The following NTM variants were observed in gnomAD, a reference collection of about 807,000 sequenced individuals.
The protein encoded by NTM is neurotrimin.
In NTM, 13 loss-of-function variants were observed where a neutral mutation model predicts 42.1. The ratio of observed to expected loss-of-function variants is 0.31; its 90% confidence interval spans 0.20 to 0.49. The LOEUF (loss-of-function observed/expected upper bound fraction) is 0.49. Ranked by LOEUF, NTM falls within the 20% of genes least tolerant of loss-of-function variation. The pLI, the probability that NTM is intolerant of heterozygous loss-of-function variation, is 0.99. For synonymous variants in NTM, 187 were observed against 179.2 expected, an observed-to-expected ratio of 1.04 and a Z score of -0.35; for missense variants, 373 against 452.8, an observed-to-expected ratio of 0.82 and a Z score of 1.60.
At chr11:132,206,622 G>A (rs2082027913) in intron 3 of NTM, among the ~76,000 whole-genome samples, 1 of 152,192 alleles carries the variant, frequency 6.6e-6, no homozygotes, top group Non-Finnish European at 1.5e-5. Context: ...ACATAGTAGA[G>A]CCGGATCTCA....
intron 1 of NTM, among the ~76,000 whole-genome samples, chr11:131,874,094 C>T (rs2137137563): frequency 9.9e-6 from 1 of 100,584 alleles, no homozygotes; most frequent in South Asian, 3.0e-4. Context: ...AGTCCCAAGC[C>T]TTGATGGTTG....
Position 131,661,678 on chromosome 11 carries a change from C to T in NTM, c.83-249886C>T, listed in dbSNP as rs535650502. Among the ~76,000 whole-genome samples the T allele has an allele frequency of 7.2e-5, 11 of 152,188 alleles. No individual in the cohort carries two copies. The South Asian group carries it at 1.0e-3, about 14-fold the overall frequency. ...CCTTTTCTTGGTCAGTCAAGAAAGGCGTTTTGAAGTTCCAGGCTAGTTTTG... is the reference window on the plus strand; with the variant it reads ...CCTTTTCTTGGTCAGTCAAGAAAGGTGTTTTGAAGTTCCAGGCTAGTTTTG... On this transcript the variant is annotated intron_variant, in intron 1 of 8. Coordinates refer to ENST00000683400, the MANE Select transcript of NTM (RefSeq NM_001352005.2).
intron 4 of NTM, among the ~76,000 whole-genome samples, chr11:132,232,896 T>C (rs1211075335): frequency 6.6e-6 from 1 of 152,240 alleles, no homozygotes; most frequent in Non-Finnish European, 1.5e-5. Flanking sequence ...TTATGACCGT[T>C]GTTATAACAA....
intron 2 of NTM, among the ~76,000 whole-genome samples, chr11:132,095,364 C>A (rs894231187): frequency 2.0e-5 from 3 of 152,030 alleles, no homozygotes; most frequent in Non-Finnish European, 4.4e-5. Context: ...CCACAGGAAC[C>A]CTTTCATCCA....
chr11:132,230,552 A>G (rs1158454760), intron 4 of NTM, among the ~76,000 whole-genome samples: 1 of 152,198 alleles, frequency 6.6e-6, no homozygotes, highest in African/African-American at 2.4e-5. Context: ...ATGAACCTCA[A>G]CGCTCCCTTT....
At chr11:132,145,911 C>G (rs10791213) in intron 2 of NTM, among the ~76,000 whole-genome samples, 1 of 152,100 alleles carries the variant, frequency 6.6e-6, no homozygotes, top group Non-Finnish European at 1.5e-5. Context: ...TGACTTAGTG[C>G]ACCCTAAACA....
Position 131,751,754 on chromosome 11 carries a change from G to A in NTM, c.83-159810G>A, listed in dbSNP as rs138365431. 2.9e-3 allele frequency among the ~76,000 whole-genome samples: 441 copies of A among 149,980 alleles called. 3 individuals are homozygous for A. The highest frequency in any genetic ancestry group is 4.7e-3 in the Non-Finnish European group (315 of 67,546). On this transcript the variant is annotated intron_variant, in intron 1 of 8. Coordinates refer to ENST00000683400, the MANE Select transcript of NTM (RefSeq NM_001352005.2). ...CAGCCTGCTGACAGAGCAAGATTCC[G>A]TCCCCCCCTCACCCCCCCCCAAAAT...
At chr11:131,521,002 C>T (rs544336560) in intron 1 of NTM, among the ~76,000 whole-genome samples, 13 of 152,082 alleles carry the variant, frequency 8.5e-5, no homozygotes, top group East Asian at 5.8e-4. Context: ...GCAGAGATCA[C>T]GGGTAAGAAG....
At chr11:132,281,350 A>ATATC (rs1359775680) in intron 4 of NTM, among the ~76,000 whole-genome samples, 1 of 152,190 alleles carries the variant, frequency 6.6e-6, no homozygotes, top group African/African-American at 2.4e-5. Flanking sequence ...TTTTAAGTAA[A>ATATC]TATCTGACAG....
intron 1 of NTM, among the ~76,000 whole-genome samples, chr11:131,600,861 A>G (rs75151796): frequency 0.048 from 7,280 of 151,724 alleles, 578 homozygotes; most frequent in African/African-American, 0.17. Flanking sequence ...TTTTTTCCAT[A>G]TGAAACCAGG....
At chr11:131,591,199 C>G (rs573763123) in intron 1 of NTM, among the ~76,000 whole-genome samples, 1 of 152,242 alleles carries the variant, frequency 6.6e-6, no homozygotes, top group Non-Finnish European at 1.5e-5. Context: ...TCTCTGCTCG[C>G]TGCTCTCATC....
At chr11:132,255,174 C>A (rs1246106119) in intron 4 of NTM, among the ~76,000 whole-genome samples, 3 of 152,162 alleles carry the variant, frequency 2.0e-5, no homozygotes, top group South Asian at 2.1e-4. Flanking sequence ...TAAATTTGAG[C>A]CTGAACATTT....
intron 1 of NTM, among the ~76,000 whole-genome samples, chr11:131,412,258 C>T (rs999830417): frequency 2.0e-5 from 3 of 152,100 alleles, no homozygotes; most frequent in South Asian, 4.2e-4. Flanking sequence ...GAAACAATGA[C>T]GGACTCAGCA....
intron 1 of NTM, among the ~76,000 whole-genome samples, chr11:131,785,824 TGATATGCCTATTAAACAG>T (rs2089073705): frequency 2.6e-5 from 4 of 152,236 alleles, no homozygotes; most frequent in Non-Finnish European, 5.9e-5. Context: ...TTATAAAGAC[TGATATGCCTATTAAACAG>T]TCTGTCAAAT....
At chr11:131,503,135 T>C (rs1181916462) in intron 1 of NTM, among the ~76,000 whole-genome samples, 1 of 152,040 alleles carries the variant, frequency 6.6e-6, no homozygotes, top group African/African-American at 2.4e-5. Context: ...GTGTGCAGAG[T>C]GTGCATGCCC....
chr11:131,574,561 A>AGTGTGT lies in NTM; in HGVS notation c.82+203694_82+203699dup, dbSNP rs3040137. On this transcript the variant is annotated intron_variant, in intron 1 of 8. Transcript: ENST00000683400. The stretch of plus-strand genomic sequence containing the variant: ...AAACTAGAGTGTGTGTATGTGCTTG[A>AGTGTGT]GTGTGTGTGTGTGTGTGTGTGTGTG... Among the ~76,000 whole-genome samples, 179 of 147,508 alleles carry AGTGTGT rather than the reference A, an allele frequency of 1.2e-3. 1 individual carries two copies. The highest frequency in any genetic ancestry group is 4.1e-3 in the East Asian group (20 of 4,904).
At chr11:131,921,531 T>C (rs913556932) in intron 2 of NTM, among the ~76,000 whole-genome samples, 1 of 152,204 alleles carries the variant, frequency 6.6e-6, no homozygotes, top group Non-Finnish European at 1.5e-5. Context: ...ACATTTCCAC[T>C]GTTTTCAGCC....
chr11:132,051,260 C>T (rs1052429583), intron 2 of NTM, among the ~76,000 whole-genome samples: 3 of 152,104 alleles, frequency 2.0e-5, no homozygotes, highest in Admixed American at 6.5e-5. Context: ...GATATTAGCT[C>T]ATTTAATCCT....
intron 4 of NTM, among the ~76,000 whole-genome samples, chr11:132,255,944 G>A (rs1591563391): frequency 6.6e-6 from 1 of 152,200 alleles, no homozygotes; most frequent in Middle Eastern, 3.4e-3. Context: ...CAAATCTGCT[G>A]CAAAACATCA....
Sources: allele counts gnomAD v4.1 joint callset (sites outside exome capture counted in the v4.1 genomes callset), GRCh38; gene constraint gnomAD v4.1.1; transcripts MANE v1.5; gene names NCBI Gene and HGNC (gene_info 2026-07-23, HGNC 2026-07-21).